ANKDD1B: variants seen among roughly 807,000 people sequenced by gnomAD.
ANKDD1B encodes ankyrin repeat and death domain containing 1B.
A neutral mutation model predicts 59.7 loss-of-function variants in ANKDD1B; 57 were observed. That is an observed-to-expected ratio of 0.95 (90% CI 0.77 to 1.19). The LOEUF (loss-of-function observed/expected upper bound fraction) is 1.19, where lower values mean the gene tolerates loss of function less well. Among genes scored for constraint, ANKDD1B ranks in the 50% most tolerant of loss-of-function variants. The pLI is 0.00. For missense variants in ANKDD1B, 602 were observed against 641.9 expected, an observed-to-expected ratio of 0.94 and a Z score of 0.67; for synonymous variants, 216 against 239.5, an observed-to-expected ratio of 0.90 and a Z score of 0.91.
Position 75,634,938 on chromosome 5 carries a change from A to G in ANKDD1B, c.641A>G (p.His214Arg), listed in dbSNP as rs1295320379. The G allele has an allele frequency of 1.2e-5, 18 of 1,535,752 alleles. No homozygotes were observed. Among genetic ancestry groups the G allele is most frequent in the African/African-American group, 4.1e-5 (3 of 73,060 alleles). ...TTTCTTTTGGCAGCTGAGAGGGGCCATGTTGAAATGATAGAAAAACTTACC... is the reference window on the plus strand; with the variant it reads ...TTTCTTTTGGCAGCTGAGAGGGGCCGTGTTGAAATGATAGAAAAACTTACC... The part of the protein sequence containing the change: ...KPFLLAAERG[H>R]VEMIEKLTFL... The change falls in exon 6 of 14, where the codon CAT (histidine) becomes CGT (arginine). Residue 214 changes from histidine (H) to arginine (R), a missense_variant. Around this residue, in one of 3 missense-constraint regions of ANKDD1B, gnomAD observed 317 missense variants for 304.6 expected, o/e 1.04. Transcript: ENST00000601380.
chr5:75,669,959 A>G (rs140708978), intron 13 of ANKDD1B, among the ~76,000 whole-genome samples: 2 of 152,368 alleles, frequency 1.3e-5, no homozygotes, highest in African/African-American at 4.8e-5. Flanking sequence ...TCATGTAATA[A>G]CAAGCATTCA....
intron 1 of ANKDD1B, among the ~76,000 whole-genome samples, chr5:75,612,378 CTG>C (rs1773593093): frequency 8.1e-6 from 1 of 123,346 alleles, no homozygotes; most frequent in Non-Finnish European, 1.6e-5. Context: ...TCTTGTTGCT[CTG>C]TTGCACAGGC....
At chr5:75,639,646 GT>G (rs1774411902) in intron 7 of ANKDD1B, among the ~76,000 whole-genome samples, 1 of 152,208 alleles carries the variant, frequency 6.6e-6, no homozygotes, top group Admixed American at 6.5e-5. Context: ...TTAGCTATGA[GT>G]AAAGCCTTCT....
intron 9 of ANKDD1B, among the ~76,000 whole-genome samples, chr5:75,656,884 T>A (rs1454963100): frequency 6.6e-6 from 1 of 152,234 alleles, no homozygotes; most frequent in African/African-American, 2.4e-5. Context: ...TGCCTGCCTG[T>A]CCTAATACAC....
At chr5:75,634,789 G>T (rs1774254626) in intron 5 of ANKDD1B, 109 bp from the exon 6 acceptor site, 1 of 664,974 alleles carries the variant, frequency 1.5e-6, no homozygotes, top group African/African-American at 1.8e-5. Context: ...CCCTGAAGAA[G>T]GGCCATCTTG....
intron 10 of ANKDD1B, among the ~76,000 whole-genome samples, chr5:75,661,899 A>ATTTTTTTTTTTTTTTTTTT: frequency 1.1e-5 from 1 of 92,804 alleles, no homozygotes; most frequent in Non-Finnish European, 2.0e-5. Context: ...GGCTCCCACA[A>ATTTTTTTTTTTTTTTTTTT]TTTTTTTTTT....
intron 10 of ANKDD1B, among the ~76,000 whole-genome samples, chr5:75,660,098 T>A (rs253413): frequency 0.7 from 105,744 of 152,142 alleles, 37,720 homozygotes; most frequent in Middle Eastern, 0.79. Context: ...AATTAAAAAA[T>A]TTGTGGTAAA....
intron 3 of ANKDD1B, among the ~76,000 whole-genome samples, chr5:75,621,847 T>C (rs1162338948): frequency 6.6e-6 from 1 of 152,234 alleles, no homozygotes; most frequent in East Asian, 1.9e-4. Context: ...TATTACCTTG[T>C]CTCTGAAGCA....
rs747589199 is a variant in ANKDD1B at position 75,625,928 on chromosome 5, C to T, written c.573C>T (p.His191=). The change falls in exon 5 of 14, where the codon CAC becomes CAT. Residue 191 remains histidine, a synonymous_variant. Transcript: ENST00000601380. ...RIVEYLIQDL[H]LKDLNQPDEK... ...TGGAGTATCTTATTCAAGATCTGCA[C>T]CTCAAGGACCTGAACCAGCCTGATG... 18 of 1,535,934 alleles carry T rather than the reference C, an allele frequency of 1.2e-5. No homozygotes were observed. The highest frequency in any genetic ancestry group is 1.6e-5 in the Non-Finnish European group (18 of 1,146,834).
At chr5:75,634,191 T>C (rs201506221) in intron 5 of ANKDD1B, among the ~76,000 whole-genome samples, 1 of 152,238 alleles carries the variant, frequency 6.6e-6, no homozygotes, top group Non-Finnish European at 1.5e-5. Flanking sequence ...ATGGAAAATA[T>C]AGTCTCCATT....
At position 75,656,100 on chromosome 5, in the gene ANKDD1B, A is replaced by G. The variant is rs1452359733; in HGVS notation, c.969A>G (p.Ala323=). The G allele has an allele frequency of 1.3e-6, 2 of 1,524,280 alleles. No homozygotes were observed. Among genetic ancestry groups the G allele is most frequent in the African/African-American group, 2.7e-5 (2 of 72,828 alleles). 94.4% of individuals were successfully genotyped at this position (1,524,280 alleles called of 1,614,324 possible). A position where few individuals can be genotyped will look rare whatever the true frequency, so the allele number is the denominator to read the frequency against. The change falls in exon 9 of 14, where the codon GCA becomes GCG. Residue 323 remains alanine, a synonymous_variant. Transcript: ENST00000601380. ...CGGTTGTAAACAGTTTATTAAGTGCACAGCATGATATTGACATCTTAAATC... is the reference window on the plus strand; with the variant it reads ...CGGTTGTAAACAGTTTATTAAGTGCGCAGCATGATATTGACATCTTAAATC... ...HITVVNSLLS[A]QHDIDILNQK...
Position 75,625,961 on chromosome 5 carries a change from T to A in ANKDD1B, c.600+6T>A. ...ACCTGAACCAGCCTGATGAGGTGTG[T>A]TCACTTTGGTTGTGTAGGTCTTGCA... On this transcript the variant is annotated splice_donor_region_variant and intron_variant, in intron 5 of 13. Transcript: ENST00000601380. The A allele has an allele frequency of 6.5e-7, 1 of 1,528,462 alleles. No individual in the cohort carries two copies. Among genetic ancestry groups the A allele is most frequent in the Non-Finnish European group, 8.8e-7 (1 of 1,140,064 alleles). The allele number at this position is 1,528,462 out of a possible 1,614,324, so 94.7% of individuals were successfully genotyped here.
chr5:75,643,260 G>C (rs1774532996), intron 7 of ANKDD1B, among the ~76,000 whole-genome samples: 1 of 78,528 alleles, frequency 1.3e-5, no homozygotes, highest in Non-Finnish European at 2.1e-5. Flanking sequence ...TGATTTTGAC[G>C]AGCTGAGAGA....
At chr5:75,614,660 A>G (rs1213718554) in intron 1 of ANKDD1B, among the ~76,000 whole-genome samples, 7 of 152,182 alleles carry the variant, frequency 4.6e-5, no homozygotes, top group Non-Finnish European at 8.8e-5. Context: ...ACTCAGCCCC[A>G]AAGTGACATG....
intron 1 of ANKDD1B, among the ~76,000 whole-genome samples, chr5:75,614,312 G>A (rs2112949794): frequency 6.6e-6 from 1 of 152,284 alleles, no homozygotes; most frequent in East Asian, 1.9e-4. Flanking sequence ...TGCGCTTAGG[G>A]AACCCAAATC....
In ANKDD1B at chr5:75,671,044, C is replaced by T. The variant is rs1363511079; in HGVS notation, c.*4C>T. 8.2e-7 allele frequency: 1 copy of T among 1,215,886 alleles called. No homozygotes were observed. The highest frequency in any genetic ancestry group is 1.0e-6 in the Non-Finnish European group (1 of 973,456). The allele number at this position is 1,215,886 out of a possible 1,614,324, so 75.3% of individuals were successfully genotyped here. A position where few individuals can be genotyped will look rare whatever the true frequency, so the allele number is the denominator to read the frequency against. ...CAAGAAATGTGTAGTTTCATAAATG[C>T]CTAAAGAAATTGTATTTACATGATT... On this transcript the variant is annotated 3_prime_UTR_variant, in exon 14 of 14. Coordinates refer to ENST00000601380, the MANE Select transcript of ANKDD1B (RefSeq NM_001276713.2).
chr5:75,617,635 C>T (rs560285993), intron 2 of ANKDD1B, among the ~76,000 whole-genome samples: 4 of 152,086 alleles, frequency 2.6e-5, no homozygotes, highest in East Asian at 3.8e-4. Flanking sequence ...TAATGGTATA[C>T]GAAGCATAAG....
rs532395118 is a variant in ANKDD1B, at chr5:75,671,396, T to C, written c.*356T>C. 372 of 160,672 alleles carry C rather than the reference T, an allele frequency of 2.3e-3. No individual in the cohort carries two copies. The highest frequency in any genetic ancestry group is 3.8e-3 in the Non-Finnish European group (282 of 73,672). The allele number at this position is 160,672 out of a possible 1,614,324, so 10.0% of individuals were successfully genotyped here. A position where few individuals can be genotyped will look rare whatever the true frequency, so the allele number is the denominator to read the frequency against. Reference sequence around the variant, plus strand: ...CAAGGGTTTTTATAATAGACAAATATGGTTTTGAACTTGGTTTTGCCACTT... The same window carrying C: ...CAAGGGTTTTTATAATAGACAAATACGGTTTTGAACTTGGTTTTGCCACTT... On this transcript the variant is annotated 3_prime_UTR_variant, in exon 14 of 14. Coordinates refer to ENST00000601380, the MANE Select transcript of ANKDD1B (RefSeq NM_001276713.2).
chr5:75,637,900 CT>C (rs1306601279), intron 7 of ANKDD1B, among the ~76,000 whole-genome samples: 2 of 152,170 alleles, frequency 1.3e-5, no homozygotes, highest in African/African-American at 2.4e-5. Flanking sequence ...GAATGCCCCA[CT>C]GTTGTTTCTA....
Sources: allele counts gnomAD v4.1 joint callset (sites outside exome capture counted in the v4.1 genomes callset), GRCh38; gene constraint gnomAD v4.1.1; regional missense constraint gnomAD v4.1.1; transcripts MANE v1.5; gene names NCBI Gene and HGNC (gene_info 2026-07-23, HGNC 2026-07-21).